The following DCP1A variants were observed in gnomAD, a reference collection of about 807,000 sequenced individuals.
DCP1A encodes mRNA-decapping enzyme 1A.
DCP1A carries 20 observed loss-of-function variants against 58.0 expected under a neutral mutation model. The ratio of observed to expected loss-of-function variants is 0.34; its 90% CI spans 0.24 to 0.50. The LOEUF (loss-of-function observed/expected upper bound fraction) is 0.50. Among genes scored for constraint, DCP1A ranks in the 20% least tolerant of loss-of-function variants. The pLI is 0.98. For missense variants in DCP1A, 613 were observed against 712.2 expected (o/e 0.86, Z 1.59); for synonymous variants, 285 against 275.1 (o/e 1.04, Z -0.36).
In DCP1A at chr3:53,299,761, G is replaced by C. The variant is rs180850572; in HGVS notation, c.624+4416C>G. Among the ~76,000 whole-genome samples the C allele has an allele frequency of 5.3e-5, 8 of 152,350 alleles. No homozygotes were observed. In the East Asian group the frequency reaches 1.5e-3, roughly 29 times the overall value. On this transcript the variant is annotated intron_variant, in intron 6 of 9. Transcript: ENST00000610213. Reference sequence around the variant, plus strand: ...TACTAAACAAATGTAGTATCTGCCTGTGGCGGCTGATGATAAATTTAAACT... The same window carrying C: ...TACTAAACAAATGTAGTATCTGCCTCTGGCGGCTGATGATAAATTTAAACT...
At chr3:53,310,376 C>T (rs1322949503) in intron 5 of DCP1A, among the ~76,000 whole-genome samples, 16 of 152,220 alleles carry the variant, frequency 1.1e-4, no homozygotes, top group African/African-American at 3.6e-4. Flanking sequence ...CCTACTTTCT[C>T]GTTGTGGCTA....
chr3:53,344,476 G>C (rs892604306), intron 2 of DCP1A, among the ~76,000 whole-genome samples: 1 of 152,110 alleles, frequency 6.6e-6, no homozygotes. Flanking sequence ...TGGGAAAGAG[G>C]ACAGAACCAG....
intron 6 of DCP1A, among the ~76,000 whole-genome samples, chr3:53,297,844 T>C (rs1291367424): frequency 6.6e-6 from 1 of 152,144 alleles, no homozygotes; most frequent in Non-Finnish European, 1.5e-5. Context: ...AGAAACCTCA[T>C]CACAAAATAC....
intron 2 of DCP1A, 22 bp downstream of exon 2, chr3:53,344,880 T>C (rs782038749): frequency 3.2e-6 from 5 of 1,544,670 alleles, no homozygotes; most frequent in Non-Finnish European, 4.5e-6. Context: ...TAAAAACAAA[T>C]ATACATATTT....
intron 3 of DCP1A, among the ~76,000 whole-genome samples, chr3:53,322,386 G>A (rs1707993448): frequency 6.6e-6 from 1 of 151,848 alleles, no homozygotes; most frequent in African/African-American, 2.4e-5. Context: ...GGGAGGTGGA[G>A]GTTGCAGTGA....
At chr3:53,296,795 T>C (rs1389193225) in intron 6 of DCP1A, among the ~76,000 whole-genome samples, 4 of 152,254 alleles carry the variant, frequency 2.6e-5, no homozygotes, top group African/African-American at 9.6e-5. Context: ...ACTGGAGTTC[T>C]TGAGATGTTT....
chr3:53,330,573 C>G (rs2088974609), intron 3 of DCP1A, among the ~76,000 whole-genome samples: 1 of 150,208 alleles, frequency 6.7e-6, no homozygotes, highest in Admixed American at 6.6e-5. Context: ...AGAGTTTTGA[C>G]ATAGAAAGTT....
At chr3:53,335,410 G>T (rs1311358424) in intron 3 of DCP1A, among the ~76,000 whole-genome samples, 1 of 152,128 alleles carries the variant, frequency 6.6e-6, no homozygotes. Flanking sequence ...CCAAAGTGCT[G>T]GGATTACAGG....
At chr3:53,342,527 C>T (rs2089223213) in intron 2 of DCP1A, among the ~76,000 whole-genome samples, 1 of 152,154 alleles carries the variant, frequency 6.6e-6, no homozygotes, top group Non-Finnish European at 1.5e-5. Context: ...GATATACTCC[C>T]CACTCTGACT....
intron 4 of DCP1A, among the ~76,000 whole-genome samples, chr3:53,312,860 A>G (rs541451565): frequency 1.1e-4 from 16 of 152,254 alleles, no homozygotes; most frequent in Middle Eastern, 3.4e-3. Flanking sequence ...ATGACTTACC[A>G]TTTCACCGTC....
At chr3:53,317,151 TTTGTTG>T (rs1265835832) in intron 4 of DCP1A, among the ~76,000 whole-genome samples, 22 of 152,018 alleles carry the variant, frequency 1.4e-4, no homozygotes, top group African/African-American at 4.6e-4. Flanking sequence ...CCTGTGCCTT[TTTGTTG>T]TTGTTGTTGT....
chr3:53,342,405 TG>T, intron 2 of DCP1A, 134 bp from the exon 3 acceptor site: 1 of 695,346 alleles, frequency 1.4e-6, no homozygotes, highest in Non-Finnish European at 2.3e-6. Context: ...CACTTACATC[TG>T]TAAACAAAAA....
At chr3:53,301,653 C>G (rs1559686155) in intron 6 of DCP1A, among the ~76,000 whole-genome samples, 1 of 152,154 alleles carries the variant, frequency 6.6e-6, no homozygotes, top group Non-Finnish European at 1.5e-5. Context: ...CATAAATGTT[C>G]ATAGGAGCTT....
rs569578573 is a variant in DCP1A at position 53,318,386 on chromosome 3, CAT to C, written c.371+1019_371+1020del. 9.2e-5 allele frequency among the ~76,000 whole-genome samples: 14 copies of C among 152,024 alleles called. No individual in the cohort carries two copies. In the South Asian group the frequency reaches 1.5e-3, roughly 16 times the overall value. On this transcript the variant is annotated intron_variant, in intron 4 of 9. Coordinates refer to ENST00000610213, the MANE Select transcript of DCP1A (RefSeq NM_018403.7). ...AAATTTAAGATTATTTTCTTTTAAA[CAT>C]GTGATTGAAAACTGTAAGAGAGCAA... is the stretch of plus-strand genomic sequence containing the variant.
intron 3 of DCP1A, among the ~76,000 whole-genome samples, chr3:53,336,346 A>G (rs1575620707): frequency 6.6e-6 from 1 of 152,134 alleles, no homozygotes; most frequent in African/African-American, 2.4e-5. Flanking sequence ...ACCTCAGGTG[A>G]TCCACCTGCC....
intron 2 of DCP1A, among the ~76,000 whole-genome samples, chr3:53,343,267 C>T (rs2089241879): frequency 6.6e-6 from 1 of 152,234 alleles, no homozygotes; most frequent in Non-Finnish European, 1.5e-5. Flanking sequence ...CAAATCCAAG[C>T]TTCTACTATA....
Position 53,292,543 on chromosome 3 carries a change from A to G in DCP1A, c.909T>C (p.Asn303=). 1.9e-6 allele frequency: 3 copies of G among 1,613,932 alleles called. No individual in the cohort carries two copies. The highest frequency in any genetic ancestry group is 1.7e-5 in the Admixed American group (1 of 60,010). Residue 303 remains asparagine, a synonymous_variant, in exon 7 of 10, where the codon AAT becomes AAC. Coordinates refer to ENST00000610213, the MANE Select transcript of DCP1A (RefSeq NM_018403.7). ...LITPASITQS[N]EKHAPTYTIP... ...TTGTGTAGGTTGGAGCATGCTTTTC[A>G]TTGGACTGTGTGATGGAGGCTGGAG...
At chr3:53,307,844 G>T (rs1046369310) in intron 5 of DCP1A, among the ~76,000 whole-genome samples, 1 of 152,126 alleles carries the variant, frequency 6.6e-6, no homozygotes. Flanking sequence ...AGGATATATC[G>T]CCAAGTTCTT....
intron 3 of DCP1A, among the ~76,000 whole-genome samples, chr3:53,321,739 A>C (rs1553689984): frequency 2.6e-5 from 4 of 152,284 alleles, no homozygotes; most frequent in East Asian, 3.9e-4. Context: ...AAAAAAACCC[A>C]AAAAACAAAC....
Sources: allele counts gnomAD v4.1 joint callset (sites outside exome capture counted in the v4.1 genomes callset), GRCh38; gene constraint gnomAD v4.1.1; transcripts MANE v1.5; gene names NCBI Gene and HGNC (gene_info 2026-07-23, HGNC 2026-07-21).